PTPN5: variants seen among roughly 807,000 people sequenced by gnomAD.
The protein encoded by PTPN5 is protein tyrosine phosphatase non-receptor type 5.
In PTPN5, 29 loss-of-function variants were observed where a neutral mutation model predicts 73.9. The ratio of observed to expected loss-of-function variants is 0.39; its 90% CI spans 0.29 to 0.54. PTPN5 has a LOEUF of 0.54. PTPN5 is among the 20% of genes least tolerant of loss of function. PTPN5 has a pLI of 0.65. For synonymous variants in PTPN5, 267 were observed against 304.7 expected, an observed-to-expected ratio of 0.88 and a Z score of 1.29; for missense variants, 652 against 751.4, an observed-to-expected ratio of 0.87 and a Z score of 1.55.
intron 3 of PTPN5, among the ~76,000 whole-genome samples, chr11:18,755,259 A>C (rs1279879936): frequency 6.6e-6 from 1 of 152,202 alleles, no homozygotes; most frequent in African/African-American, 2.4e-5. Flanking sequence ...TTCTTCAGCC[A>C]CAGTCGAGTT....
At chr11:18,770,482 T>A (rs1850834315) in intron 2 of PTPN5, among the ~76,000 whole-genome samples, 1 of 152,260 alleles carries the variant, frequency 6.6e-6, no homozygotes, top group Non-Finnish European at 1.5e-5. Context: ...TTTCATGGAT[T>A]CCTTTTCAAG....
At position 18,729,365 on chromosome 11, in the gene PTPN5, C is replaced by A. The variant is rs567459720; in HGVS notation, c.1604+88G>T. ...CCAGTGTTTTCCATCTGCCCCTCAC[C>A]CCCCGCCCATGCACATGTGGGTCTC... On this transcript the variant is annotated intron_variant, in intron 14 of 14. Coordinates refer to ENST00000358540, the MANE Select transcript of PTPN5 (RefSeq NM_006906.2). The surrounding 1 kb of genome is among the most constrained non-coding windows in gnomAD (Gnocchi z 5.2). 10 of 709,696 alleles carry A rather than the reference C, an allele frequency of 1.4e-5. No homozygotes were observed. The highest frequency in any genetic ancestry group is 2.0e-5 in the Non-Finnish European group (8 of 393,928). The allele number at this position is 709,696 out of a possible 1,614,324, so 44.0% of individuals were successfully genotyped here.
At chr11:18,741,347 T>A (rs563002431) in intron 7 of PTPN5, among the ~76,000 whole-genome samples, 11 of 152,100 alleles carry the variant, frequency 7.2e-5, no homozygotes, top group Non-Finnish European at 1.3e-4. Flanking sequence ...CGCAAGGATG[T>A]CTACAATGGG....
intron 9 of PTPN5, among the ~76,000 whole-genome samples, chr11:18,735,768 CA>C (rs59859973): frequency 2.7e-5 from 4 of 148,392 alleles, no homozygotes; most frequent in East Asian, 2.0e-4. Context: ...CTGTCTCCCC[CA>C]AAAAAAAAAA....
At chr11:18,771,815 G>C (rs920045745) in intron 2 of PTPN5, 124 bp downstream of exon 2, 1 of 811,268 alleles carries the variant, frequency 1.2e-6, no homozygotes, top group African/African-American at 1.8e-5. Context: ...TGGTTTCATG[G>C]AAAAGGAATG....
At chr11:18,755,539 G>A (rs550240681) in intron 3 of PTPN5, among the ~76,000 whole-genome samples, 49 of 150,468 alleles carry the variant, frequency 3.3e-4, no homozygotes, top group African/African-American at 1.1e-3. Context: ...AAGAGGATGC[G>A]GGTTGCCCTG....
In PTPN5 at chr11:18,744,021, A is replaced by G. The variant is rs144934861; in HGVS notation, c.276T>C (p.Ala92=). 1.2e-6 allele frequency: 2 copies of G among 1,602,304 alleles called. No homozygotes were observed. Among genetic ancestry groups the G allele is most frequent in the Non-Finnish European group, 1.7e-6 (2 of 1,175,394 alleles). The part of the protein sequence containing the change: ...LTVRSSLCLF[A]ASQFLLACGV... Reference sequence around the variant, plus strand: ...CCATCCTTACCAGGAACTGTGAGGCAGCGAACAGGCACAGGCTGCTCCTGA... The same window carrying G: ...CCATCCTTACCAGGAACTGTGAGGCGGCGAACAGGCACAGGCTGCTCCTGA... The change falls in exon 4 of 15, where the codon GCT becomes GCC. Residue 92 remains alanine (A), a synonymous_variant. Coordinates refer to ENST00000358540, the MANE Select transcript of PTPN5 (RefSeq NM_006906.2).
intron 2 of PTPN5, among the ~76,000 whole-genome samples, chr11:18,768,345 C>T (rs1307460627): frequency 6.6e-6 from 1 of 152,196 alleles, no homozygotes; most frequent in Non-Finnish European, 1.5e-5. Context: ...ACTTGCCCCA[C>T]ATTTTATACT....
chr11:18,769,813 C>T (rs1274386652), intron 2 of PTPN5, among the ~76,000 whole-genome samples: 3 of 152,222 alleles, frequency 2.0e-5, no homozygotes, highest in African/African-American at 7.2e-5. Context: ...ATGTGTGGAA[C>T]ATCTGGTGCC....
rs1034142900 is a variant in PTPN5, at chr11:18,728,726, C to T, written c.*208G>A. 7.7e-6 allele frequency: 4 copies of T among 519,662 alleles called. No homozygotes were observed. Among genetic ancestry groups the T allele is most frequent in the African/African-American group, 2.0e-5 (1 of 50,688 alleles). 32.2% of individuals were successfully genotyped at this position (519,662 alleles called of 1,614,324 possible). ...GGCCCCAGGCCTGGCCTGGCATGTC[C>T]CTTCCCGACCCTGCCCCCCACTCCC... On this transcript the variant is annotated 3_prime_UTR_variant, in exon 15 of 15. Coordinates refer to ENST00000358540, the MANE Select transcript of PTPN5 (RefSeq NM_006906.2). This position sits in a 1 kb window ranked among gnomAD's most constrained non-coding sequence, Gnocchi z 4.1.
chr11:18,739,429 C>T (rs187401566), intron 8 of PTPN5, among the ~76,000 whole-genome samples: 8 of 152,266 alleles, frequency 5.3e-5, no homozygotes, highest in Admixed American at 2.6e-4. Context: ...GAGAAAGGCA[C>T]GGACGAGACT....
intron 3 of PTPN5, among the ~76,000 whole-genome samples, chr11:18,746,086 A>T (rs1849605622): frequency 6.7e-6 from 1 of 149,666 alleles, no homozygotes; most frequent in Non-Finnish European, 1.5e-5. Context: ...TGGGCAAAGG[A>T]CACTCTTTTA....
chr11:18,746,156 AATATAAATAT>A (rs1417401292), intron 3 of PTPN5, among the ~76,000 whole-genome samples: 86 of 69,638 alleles, frequency 1.2e-3, no homozygotes, highest in African/African-American at 3.8e-3. Flanking sequence ...AGCTGTTATA[AATATAAATAT>A]ATATATATAT....
chr11:18,758,595 T>G (rs1379928756), intron 3 of PTPN5, among the ~76,000 whole-genome samples: 1 of 152,084 alleles, frequency 6.6e-6, no homozygotes, highest in Non-Finnish European at 1.5e-5. Flanking sequence ...CACTAAGTGT[T>G]GAGATCGTCA....
chr11:18,738,062 C>A, intron 8 of PTPN5, 98 bp from the exon 9 acceptor site: 1 of 894,676 alleles, frequency 1.1e-6, no homozygotes, highest in Admixed American at 1.8e-5. Context: ...CAGGGGCTGG[C>A]TTGAGTGCAC....
At chr11:18,767,018 A>C (rs1850673907) in intron 2 of PTPN5, among the ~76,000 whole-genome samples, 2 of 152,150 alleles carry the variant, frequency 1.3e-5, no homozygotes, top group African/African-American at 4.8e-5. Context: ...GCCCTTCAAG[A>C]CCATAAGATG....
chr11:18,735,585 GTGGGCGGATCA>G (rs957102552), intron 9 of PTPN5, among the ~76,000 whole-genome samples: 38 of 152,222 alleles, frequency 2.5e-4, no homozygotes, highest in African/African-American at 8.7e-4. Flanking sequence ...GGAGGCTGAG[GTGGGCGGATCA>G]CTTGAGGTCA....
At chr11:18,783,133 T>C (rs1851518260) in intron 1 of PTPN5, among the ~76,000 whole-genome samples, 2 of 152,172 alleles carry the variant, frequency 1.3e-5, no homozygotes, top group Admixed American at 6.5e-5. Flanking sequence ...CCCCAGGAGG[T>C]CCCTCTGAGG....
chr11:18,776,659 C>A (rs750126207), intron 1 of PTPN5, among the ~76,000 whole-genome samples: 9 of 152,262 alleles, frequency 5.9e-5, no homozygotes, highest in Non-Finnish European at 1.3e-4. Context: ...ACTAAGTCAC[C>A]TGCTCAAGGT....
Sources: gnomAD v4.1 joint callset for allele counts (sites outside exome capture counted in the v4.1 genomes callset) on GRCh38, gnomAD v4.1.1 for gene constraint, Gnocchi (gnomAD v3.1) non-coding constraint, MANE v1.5 for transcripts, NCBI Gene and HGNC (gene_info 2026-07-23, HGNC 2026-07-21) for gene names.